Variants in HS6ST3 observed in about 807,000 individuals in gnomAD.
The protein encoded by HS6ST3 is heparan-sulfate 6-O-sulfotransferase 3.
HS6ST3 carries 12 observed loss-of-function variants against 36.7 expected under a neutral mutation model. That is an observed-to-expected ratio of 0.33 (90% CI 0.21 to 0.53). The LOEUF is 0.53. Among genes scored for constraint, HS6ST3 ranks in the 20% least tolerant of loss-of-function variants. HS6ST3 has a pLI of 0.95. For synonymous variants in HS6ST3, 240 were observed against 257.5 expected (o/e 0.93, Z 0.65); for missense variants, 584 against 640.9 (o/e 0.91, Z 0.96).
chr13:96,662,052 A>G (rs185086258), intron 1 of HS6ST3, among the ~76,000 whole-genome samples: 31 of 152,204 alleles, frequency 2.0e-4, no homozygotes, highest in Non-Finnish European at 3.4e-4. Context: ...TGGACTTTGA[A>G]TAGCCTGTTA....
intron 1 of HS6ST3, among the ~76,000 whole-genome samples, chr13:96,269,496 A>T (rs534611685): frequency 4.6e-5 from 7 of 152,140 alleles, no homozygotes; most frequent in African/African-American, 1.4e-4. Context: ...GGTGGGGGGA[A>T]GTCATTCTGC....
chr13:96,547,722 GTTGT>G (rs2056202880), intron 1 of HS6ST3, among the ~76,000 whole-genome samples: 1 of 152,100 alleles, frequency 6.6e-6, no homozygotes, highest in Non-Finnish European at 1.5e-5. Flanking sequence ...TGTGGCATAA[GTTGT>G]TTGGAGTTTG....
chr13:96,385,879 C>A (rs773303592), intron 1 of HS6ST3, among the ~76,000 whole-genome samples: 37 of 152,114 alleles, frequency 2.4e-4, no homozygotes, highest in Admixed American at 1.3e-3. Context: ...AGTAACTTGT[C>A]CCAGTCATTT....
chr13:96,826,070 A>G (rs1426654550), intron 1 of HS6ST3, among the ~76,000 whole-genome samples: 1 of 152,264 alleles, frequency 6.6e-6, no homozygotes, highest in Non-Finnish European at 1.5e-5. Context: ...TAAACTGCTC[A>G]GTGAAACATA....
Position 96,091,042 on chromosome 13 carries a change from G to A in HS6ST3, c.180G>A (p.Ala60=). The A allele has an allele frequency of 8.0e-7, 1 of 1,248,972 alleles. No individual in the cohort carries two copies. The highest frequency in any genetic ancestry group is 1.0e-6 in the Non-Finnish European group (1 of 997,172). 77.4% of individuals were successfully genotyped at this position (1,248,972 alleles called of 1,614,324 possible). A position where few individuals can be genotyped will look rare whatever the true frequency, so the allele number is the denominator to read the frequency against. The stretch of plus-strand genomic sequence containing the variant: ...CGGGTCCCGCCCGCCGGGCTCAGGC[G>A]CCGCCGGAGGAGTGGGAGCGGCGGC... ...AVPGPARRAQ[A]PPEEWERRPQ... is the part of the protein sequence containing the mutation. The change falls in exon 1 of 2, where the codon GCG becomes GCA. Residue 60 remains alanine, a synonymous_variant. Transcript: ENST00000376705.
chr13:96,140,249 G>A (rs1482185118), intron 1 of HS6ST3, among the ~76,000 whole-genome samples: 1 of 152,122 alleles, frequency 6.6e-6, no homozygotes, highest in Non-Finnish European at 1.5e-5. Context: ...ATAACTGCAT[G>A]AAATTAACTG....
intron 1 of HS6ST3, among the ~76,000 whole-genome samples, chr13:96,222,883 CTCT>C (rs2054462728): frequency 6.6e-6 from 1 of 152,130 alleles, no homozygotes; most frequent in Admixed American, 6.5e-5. Context: ...GTAGGGATGA[CTCT>C]TCTTCTAGCC....
At chr13:96,291,340 G>A (rs985379985) in intron 1 of HS6ST3, among the ~76,000 whole-genome samples, 3 of 152,174 alleles carry the variant, frequency 2.0e-5, no homozygotes, top group Non-Finnish European at 4.4e-5. Flanking sequence ...GGCTTGTTTA[G>A]TATTGATGAC....
At chr13:96,661,741 C>T (rs1486590883) in intron 1 of HS6ST3, among the ~76,000 whole-genome samples, 2 of 152,122 alleles carry the variant, frequency 1.3e-5, no homozygotes, top group Non-Finnish European at 2.9e-5. Flanking sequence ...TTTGCCCATT[C>T]TTTCCCATGT....
intron 1 of HS6ST3, among the ~76,000 whole-genome samples, chr13:96,463,975 T>C (rs1284302453): frequency 1.3e-5 from 2 of 150,610 alleles, no homozygotes; most frequent in East Asian, 3.9e-4. Flanking sequence ...AATTTAAACA[T>C]TCATATACTA....
intron 1 of HS6ST3, among the ~76,000 whole-genome samples, chr13:96,713,699 A>G (rs1455520324): frequency 4.6e-5 from 7 of 151,024 alleles, no homozygotes; most frequent in Non-Finnish European, 1.5e-5. Context: ...TTACTAAAGC[A>G]TTTTTTTTTC....
At chr13:96,288,556 T>C (rs963636852) in intron 1 of HS6ST3, among the ~76,000 whole-genome samples, 9 of 152,086 alleles carry the variant, frequency 5.9e-5, no homozygotes, top group Non-Finnish European at 1.2e-4. Context: ...AAAAATTCAT[T>C]ACATTCCTTG....
At chr13:96,766,443 C>T (rs887819308) in intron 1 of HS6ST3, among the ~76,000 whole-genome samples, 14 of 152,046 alleles carry the variant, frequency 9.2e-5, no homozygotes, top group African/African-American at 3.4e-4. Context: ...TTTCTTCAGG[C>T]AGAAATTCCC....
At chr13:96,167,265 G>C (rs1413895923) in intron 1 of HS6ST3, among the ~76,000 whole-genome samples, 2 of 152,106 alleles carry the variant, frequency 1.3e-5, no homozygotes, top group East Asian at 1.9e-4. Flanking sequence ...AATGTTCGTA[G>C]ATACACATTG....
chr13:96,098,941 G>T, intron 1 of HS6ST3, among the ~76,000 whole-genome samples: 1 of 152,046 alleles, frequency 6.6e-6, no homozygotes. Flanking sequence ...ATATATGTTT[G>T]TTGTTGTTGT....
At chr13:96,491,861 C>T (rs112300604) in intron 1 of HS6ST3, among the ~76,000 whole-genome samples, 2,789 of 152,156 alleles carry the variant, frequency 0.018, 34 homozygotes, top group Non-Finnish European at 0.026. Flanking sequence ...TCGAAGATCT[C>T]CCAGACAACT....
At chr13:96,486,199 A>G (rs2055913811) in intron 1 of HS6ST3, among the ~76,000 whole-genome samples, 1 of 151,820 alleles carries the variant, frequency 6.6e-6, no homozygotes, top group African/African-American at 2.4e-5. Context: ...TGAACTCATC[A>G]TTTTTTATGG....
At chr13:96,177,516 C>T (rs2054218187) in intron 1 of HS6ST3, among the ~76,000 whole-genome samples, 1 of 152,052 alleles carries the variant, frequency 6.6e-6, no homozygotes, top group South Asian at 2.1e-4. Flanking sequence ...CAAACTAATG[C>T]AGGAACAGAA....
intron 1 of HS6ST3, among the ~76,000 whole-genome samples, chr13:96,432,471 A>C (rs1311958254): frequency 2.0e-5 from 3 of 152,198 alleles, no homozygotes; most frequent in Non-Finnish European, 4.4e-5. Context: ...CATTTTATTG[A>C]AACTTGGTTC....
Sources: allele counts gnomAD v4.1 joint callset (sites outside exome capture counted in the v4.1 genomes callset), GRCh38; gene constraint gnomAD v4.1.1; transcripts MANE v1.5; gene names NCBI Gene and HGNC (gene_info 2026-07-23, HGNC 2026-07-21).